ADAD1: variants seen among roughly 807,000 people sequenced by gnomAD.
The protein encoded by ADAD1 is adenosine deaminase domain-containing protein 1.
ADAD1 carries 46 observed loss-of-function variants against 66.8 expected under a neutral mutation model. The ratio of observed to expected loss-of-function variants is 0.69; its 90% CI spans 0.54 to 0.88. The LOEUF (loss-of-function observed/expected upper bound fraction) is 0.88, where lower values mean the gene tolerates loss of function less well. ADAD1 is among the 40% of genes least tolerant of loss of function. The pLI is 0.00. For missense variants in ADAD1, 617 were observed against 681.8 expected, an observed-to-expected ratio of 0.91 and a Z score of 1.06; for synonymous variants, 248 against 229.4, an observed-to-expected ratio of 1.08 and a Z score of -0.73.
intron 8 of ADAD1, among the ~76,000 whole-genome samples, chr4:122,409,774 A>T (rs935184076): frequency 6.6e-6 from 1 of 152,082 alleles, no homozygotes; most frequent in Non-Finnish European, 1.5e-5. Context: ...ATCTCCACTC[A>T]CTGCAACCTC....
In ADAD1 at chr4:122,411,306, T is replaced by A. The variant is rs757399093; in HGVS notation, c.933T>A (p.Ser311=). The stretch of plus-strand genomic sequence containing the variant: ...CAATATTTTGTACAGAACCAACTTC[T>A]AATCTACTCACTCTTAAACAGAATA... The part of the protein sequence containing the change: ...EKSIFCTEPT[S]NLLTLKQNIN... Residue 311 remains serine (S), a synonymous_variant, in exon 9 of 13, where the codon TCT becomes TCA. Coordinates refer to ENST00000296513, the MANE Select transcript of ADAD1 (RefSeq NM_139243.4). The A allele has an allele frequency of 1.2e-5, 19 of 1,613,204 alleles. No individual in the cohort carries two copies. The Admixed American group carries it at 3.0e-4, about 26-fold the overall frequency.
intron 5 of ADAD1, among the ~76,000 whole-genome samples, chr4:122,392,160 C>A (rs1795480343): frequency 6.6e-6 from 1 of 152,170 alleles, no homozygotes; most frequent in African/African-American, 2.4e-5. Context: ...TAAAGTTCTG[C>A]TTATCTAAAA....
At chr4:122,399,348 G>A (rs1795863739) in intron 7 of ADAD1, among the ~76,000 whole-genome samples, 1 of 151,756 alleles carries the variant, frequency 6.6e-6, no homozygotes, top group Admixed American at 6.6e-5. Flanking sequence ...GTGCCTAGTT[G>A]TATACCAATA....
At chr4:122,419,363 C>T (rs540389746) in intron 11 of ADAD1, among the ~76,000 whole-genome samples, 1 of 152,234 alleles carries the variant, frequency 6.6e-6, no homozygotes, top group Non-Finnish European at 1.5e-5. Flanking sequence ...GAACAACACA[C>T]AGTGAGGCCT....
chr4:122,396,495 G>T, intron 7 of ADAD1, 118 bp downstream of exon 7: 1 of 791,338 alleles, frequency 1.3e-6, no homozygotes. Flanking sequence ...ACTTTTTCTA[G>T]TAAGTGTGGG....
chr4:122,388,766 TATTA>T (rs1795302608), intron 5 of ADAD1, among the ~76,000 whole-genome samples: 1 of 152,024 alleles, frequency 6.6e-6, no homozygotes, highest in Admixed American at 6.5e-5. Context: ...TCTTCTTCTT[TATTA>T]GTCTAGCTAG....
intron 5 of ADAD1, among the ~76,000 whole-genome samples, chr4:122,390,982 T>C (rs1257211036): frequency 6.6e-6 from 1 of 152,218 alleles, no homozygotes; most frequent in Non-Finnish European, 1.5e-5. Context: ...TTCTTTATCA[T>C]CTTCGTGAGG....
At chr4:122,417,477 G>A (rs1342477709) in intron 11 of ADAD1, among the ~76,000 whole-genome samples, 1 of 151,842 alleles carries the variant, frequency 6.6e-6, no homozygotes, top group Non-Finnish European at 1.5e-5. Context: ...GAACAGTTAA[G>A]AATGTTTATG....
intron 8 of ADAD1, among the ~76,000 whole-genome samples, chr4:122,409,736 G>A (rs1218466506): frequency 6.6e-6 from 1 of 151,906 alleles, no homozygotes; most frequent in Admixed American, 6.6e-5. Context: ...GTCTTACGCT[G>A]TTGCCCAGGC....
At chr4:122,407,661 G>A (rs1264550251) in intron 7 of ADAD1, among the ~76,000 whole-genome samples, 1 of 152,142 alleles carries the variant, frequency 6.6e-6, no homozygotes, top group African/African-American at 2.4e-5. Context: ...ATTGATCATG[G>A]TAAAGATTTA....
chr4:122,381,045 G>C lies in ADAD1; in HGVS notation c.226G>C (p.Val76Leu). Residue 76 changes from valine (V) to leucine (L), a missense_variant, in exon 4 of 13, where the codon GTC becomes CTC. Val to Leu is a conservative substitution (Grantham distance 32). Coordinates refer to ENST00000296513, the MANE Select transcript of ADAD1 (RefSeq NM_139243.4). ...GAATCTTTCATCTATTTCAAATCCT[G>C]TCCTTCCTCCAAAAAAAATACCTAA... is the stretch of plus-strand genomic sequence containing the variant. ...SKNLSSISNP[V>L]LPPKKIPKEF... 1 of 1,599,648 alleles carries C rather than the reference G, an allele frequency of 6.3e-7. No homozygotes were observed. The highest frequency in any genetic ancestry group is 8.5e-7 in the Non-Finnish European group (1 of 1,176,956).
At chr4:122,401,542 G>A (rs1795977417) in intron 7 of ADAD1, among the ~76,000 whole-genome samples, 1 of 152,002 alleles carries the variant, frequency 6.6e-6, no homozygotes, top group Non-Finnish European at 1.5e-5. Context: ...TAAGTCCATT[G>A]TTTCTTTGTT....
intron 12 of ADAD1, among the ~76,000 whole-genome samples, chr4:122,423,330 C>T (rs1216565541): frequency 6.6e-6 from 1 of 152,160 alleles, no homozygotes; most frequent in Non-Finnish European, 1.5e-5. Flanking sequence ...AGCAAGTTAA[C>T]AAGGAGATTT....
intron 6 of ADAD1, among the ~76,000 whole-genome samples, chr4:122,394,812 G>A (rs985688509): frequency 9.2e-5 from 14 of 152,170 alleles, no homozygotes; most frequent in African/African-American, 2.9e-4. Context: ...AGGAAAACAG[G>A]TGATAATCTG....
intron 11 of ADAD1, among the ~76,000 whole-genome samples, chr4:122,417,938 G>T (rs1796816323): frequency 1.3e-5 from 2 of 152,084 alleles, no homozygotes; most frequent in Non-Finnish European, 2.9e-5. Context: ...TTAGAAAATA[G>T]GGATATTGAA....
At position 122,379,424 on chromosome 4, in the gene ADAD1, A is replaced by G. The variant is rs1794760802; in HGVS notation, c.-30A>G. ...ACGACGCTGGCGCAAGCGCGGGGGCAAGAGCGCCGGCCTCCGAGACGGTTA... is the reference window on the plus strand; with the variant it reads ...ACGACGCTGGCGCAAGCGCGGGGGCGAGAGCGCCGGCCTCCGAGACGGTTA... On this transcript the variant is annotated 5_prime_UTR_variant, in exon 2 of 13. Transcript: ENST00000296513. 1 of 152,468 alleles carries G rather than the reference A, an allele frequency of 6.6e-6. No individual in the cohort carries two copies. The highest frequency in any genetic ancestry group is 2.4e-5 in the African/African-American group (1 of 41,478). 9.4% of individuals were successfully genotyped at this position (152,468 alleles called of 1,614,324 possible). A position where few individuals can be genotyped will look rare whatever the true frequency, so the allele number is the denominator to read the frequency against.
intron 7 of ADAD1, among the ~76,000 whole-genome samples, chr4:122,402,957 G>A (rs1322444283): frequency 1.3e-5 from 2 of 152,120 alleles, no homozygotes; most frequent in Non-Finnish European, 2.9e-5. Flanking sequence ...TCCTTGAGGA[G>A]CTTAATAATC....
intron 6 of ADAD1, among the ~76,000 whole-genome samples, chr4:122,395,682 C>T (rs537445955): frequency 2.0e-5 from 3 of 150,050 alleles, no homozygotes; most frequent in African/African-American, 7.3e-5. Context: ...AAAAAAGGAT[C>T]CATAGATAAC....
At chr4:122,429,156 G>T (rs1363358087) in intron 12 of ADAD1, among the ~76,000 whole-genome samples, 4 of 151,616 alleles carry the variant, frequency 2.6e-5, no homozygotes, top group Non-Finnish European at 5.9e-5. Flanking sequence ...AAGAAAAACT[G>T]GCCAGGTGTG....
Sources: allele counts gnomAD v4.1 joint callset (sites outside exome capture counted in the v4.1 genomes callset), GRCh38; gene constraint gnomAD v4.1.1; transcripts MANE v1.5; gene names NCBI Gene and HGNC (gene_info 2026-07-23, HGNC 2026-07-21).